The following CDK14 variants were observed in gnomAD, a reference collection of about 807,000 sequenced individuals.
CDK14 encodes cyclin-dependent kinase 14.
A neutral mutation model predicts 60.7 loss-of-function variants in CDK14; 34 were observed. The ratio of observed to expected loss-of-function variants is 0.56; its 90% CI spans 0.43 to 0.75. The LOEUF is 0.75. Ranked by LOEUF, CDK14 falls within the 30% of genes least tolerant of loss-of-function variation. The probability of loss-of-function intolerance (pLI) is 0.00; values close to 1 mark genes in which losing one functional copy is unlikely to be tolerated. For missense variants in CDK14, 482 were observed against 564.1 expected, an observed-to-expected ratio of 0.85 and a Z score of 1.47; for synonymous variants, 197 against 203.7, an observed-to-expected ratio of 0.97 and a Z score of 0.28.
At chr7:91,175,410 A>G (rs1468161501) in intron 14 of CDK14, among the ~76,000 whole-genome samples, 1 of 152,084 alleles carries the variant, frequency 6.6e-6, no homozygotes, top group African/African-American at 2.4e-5. Context: ...CTAACGAGCA[A>G]AATAACCAGC....
intron 4 of CDK14, among the ~76,000 whole-genome samples, chr7:90,786,613 G>C (rs754160483): frequency 6.6e-6 from 1 of 152,046 alleles, no homozygotes; most frequent in Middle Eastern, 3.4e-3. Flanking sequence ...AAATATTTCA[G>C]GTCATATTAA....
At chr7:90,868,289 CACTATATATATAT>C (rs1382800301) in intron 6 of CDK14, among the ~76,000 whole-genome samples, 1 of 145,956 alleles carries the variant, frequency 6.9e-6, no homozygotes, top group Non-Finnish European at 1.5e-5. Flanking sequence ...TATATATACA[CACTATATATATAT>C]ACACACACAC....
At chr7:91,127,621 T>G (rs950118409) in intron 14 of CDK14, among the ~76,000 whole-genome samples, 2 of 152,194 alleles carry the variant, frequency 1.3e-5, no homozygotes, top group African/African-American at 2.4e-5. Context: ...ATGTACATTT[T>G]AGAATATGAC....
At chr7:91,163,904 A>T (rs1000949211) in intron 14 of CDK14, among the ~76,000 whole-genome samples, 2 of 152,190 alleles carry the variant, frequency 1.3e-5, no homozygotes, top group African/African-American at 4.8e-5. Context: ...GGCTAAGAAG[A>T]TAGGTAGGCA....
At chr7:90,707,738 CCTT>C (rs1317071251) in intron 2 of CDK14, among the ~76,000 whole-genome samples, 2 of 152,156 alleles carry the variant, frequency 1.3e-5, no homozygotes, top group Admixed American at 6.6e-5. Flanking sequence ...CCCCAAATGT[CCTT>C]CTTCTCCTGG....
At chr7:90,692,926 T>C (rs1801583311) in intron 2 of CDK14, among the ~76,000 whole-genome samples, 1 of 151,870 alleles carries the variant, frequency 6.6e-6, no homozygotes, top group Admixed American at 6.6e-5. Context: ...AGGCCATTTC[T>C]TCCATCAAGT....
chr7:91,083,127 A>G (rs1488180106), intron 12 of CDK14, among the ~76,000 whole-genome samples: 1 of 151,682 alleles, frequency 6.6e-6, no homozygotes, highest in Non-Finnish European at 1.5e-5. Context: ...ATTGTTGATC[A>G]TTTTTGTTAT....
chr7:91,126,719 A>C (rs1408960463), intron 14 of CDK14, among the ~76,000 whole-genome samples: 1 of 152,154 alleles, frequency 6.6e-6, no homozygotes, highest in African/African-American at 2.4e-5. Context: ...GTTGTGTCCT[A>C]ATTTTCCCAC....
intron 10 of CDK14, among the ~76,000 whole-genome samples, chr7:91,035,770 A>G (rs1332927469): frequency 1.3e-5 from 2 of 150,838 alleles, no homozygotes; most frequent in Non-Finnish European, 2.9e-5. Context: ...CACATTTATC[A>G]TCTCTCAGTT....
intron 10 of CDK14, among the ~76,000 whole-genome samples, chr7:91,029,367 C>G (rs1796690329): frequency 6.6e-6 from 1 of 151,880 alleles, no homozygotes; most frequent in Admixed American, 6.6e-5. Flanking sequence ...TGATATTGAT[C>G]ATTTGATAGG....
At chr7:90,995,899 G>T (rs1166349195) in intron 10 of CDK14, among the ~76,000 whole-genome samples, 1 of 152,194 alleles carries the variant, frequency 6.6e-6, no homozygotes, top group Non-Finnish European at 1.5e-5. Context: ...GTCCCTGGTT[G>T]ATGAGTTCTC....
intron 2 of CDK14, among the ~76,000 whole-genome samples, chr7:90,636,654 G>C (rs1266838349): frequency 2.6e-5 from 4 of 152,004 alleles, no homozygotes; most frequent in Non-Finnish European, 2.9e-5. Context: ...CTCATAAAAT[G>C]AGTTAGGGAG....
At chr7:90,740,613 T>G (rs1343302880) in intron 3 of CDK14, among the ~76,000 whole-genome samples, 2 of 152,192 alleles carry the variant, frequency 1.3e-5, no homozygotes, top group Non-Finnish European at 2.9e-5. Flanking sequence ...AACCTTGATC[T>G]TGGACTTCTA....
At chr7:90,700,986 A>T (rs183400959) in intron 2 of CDK14, among the ~76,000 whole-genome samples, 6 of 152,316 alleles carry the variant, frequency 3.9e-5, no homozygotes, top group Non-Finnish European at 7.3e-5. Flanking sequence ...AAATACAGAA[A>T]ATGTAGTTTA....
chr7:90,597,833 GTTTT>G (rs11351927), intron 1 of CDK14, among the ~76,000 whole-genome samples: 1 of 138,608 alleles, frequency 7.2e-6, no homozygotes, highest in African/African-American at 2.7e-5. Flanking sequence ...ATTTAGCCAA[GTTTT>G]TTTTTTTTTT....
At chr7:91,026,677 G>A (rs1303836979) in intron 10 of CDK14, among the ~76,000 whole-genome samples, 3 of 152,152 alleles carry the variant, frequency 2.0e-5, no homozygotes, top group East Asian at 1.9e-4. Context: ...CATTAGCTGC[G>A]TGACCTTCGG....
intron 3 of CDK14, among the ~76,000 whole-genome samples, 153 bp downstream of exon 3, chr7:90,726,965 A>G (rs1271367446): frequency 6.6e-6 from 1 of 152,142 alleles, no homozygotes; most frequent in East Asian, 1.9e-4. Context: ...AGAGAGAGCA[A>G]ACTATATATG....
chr7:90,732,333 A>C (rs1027285088), intron 3 of CDK14, among the ~76,000 whole-genome samples: 2 of 152,306 alleles, frequency 1.3e-5, no homozygotes, highest in African/African-American at 2.4e-5. Context: ...AGGCTTTGCT[A>C]TCAGGATGAT....
At chr7:90,665,877 C>A (rs559011302) in intron 2 of CDK14, among the ~76,000 whole-genome samples, 58 of 152,318 alleles carry the variant, frequency 3.8e-4, no homozygotes, top group African/African-American at 1.4e-3. Flanking sequence ...GATATAGACA[C>A]AGGACTTATC....
Sources: gnomAD v4.1 joint callset for allele counts (sites outside exome capture counted in the v4.1 genomes callset) on GRCh38, gnomAD v4.1.1 for gene constraint, MANE v1.5 for transcripts, NCBI Gene and HGNC (gene_info 2026-07-23, HGNC 2026-07-21) for gene names.